CCDC178: variants seen among roughly 807,000 people sequenced by gnomAD.
CCDC178 encodes the protein coiled-coil domain containing 178.
A neutral mutation model predicts 117.4 loss-of-function variants in CCDC178; 126 were observed. The ratio of observed to expected loss-of-function variants is 1.07; its 90% CI spans 0.93 to 1.24. The LOEUF (loss-of-function observed/expected upper bound fraction) is 1.24, where lower values mean the gene tolerates loss of function less well. Among genes scored for constraint, CCDC178 ranks in the 50% most tolerant of loss-of-function variants. CCDC178 has a pLI of 0.00. For synonymous variants in CCDC178, 283 were observed against 313.4 expected, an observed-to-expected ratio of 0.90 and a Z score of 1.02; for missense variants, 1,030 against 986.9, an observed-to-expected ratio of 1.04 and a Z score of -0.59.
At chr18:33,004,092 G>C (rs1479033759) in intron 21 of CCDC178, among the ~76,000 whole-genome samples, 1 of 151,884 alleles carries the variant, frequency 6.6e-6, no homozygotes, top group African/African-American at 2.4e-5. Context: ...TAAAATGTTT[G>C]TACTACCCAT....
At chr18:33,423,585 G>C (rs982144842) in intron 2 of CCDC178, among the ~76,000 whole-genome samples, 2 of 152,036 alleles carry the variant, frequency 1.3e-5, no homozygotes, top group African/African-American at 2.4e-5. Flanking sequence ...TTTGTGTATA[G>C]CACTAGAGTA....
intron 21 of CCDC178, among the ~76,000 whole-genome samples, chr18:33,089,600 T>C (rs1359182934): frequency 6.6e-6 from 1 of 152,188 alleles, no homozygotes; most frequent in Non-Finnish European, 1.5e-5. Flanking sequence ...TGGCTAATTA[T>C]ATAATTTAAA....
intron 17 of CCDC178, among the ~76,000 whole-genome samples, chr18:33,224,377 T>A (rs1421744420): frequency 1.3e-5 from 2 of 152,236 alleles, no homozygotes; most frequent in Non-Finnish European, 2.9e-5. Context: ...TCATCCTAGC[T>A]GTCTAAACAT....
intron 11 of CCDC178, among the ~76,000 whole-genome samples, chr18:33,313,234 A>T (rs1394780332): frequency 1.3e-5 from 2 of 152,152 alleles, no homozygotes; most frequent in African/African-American, 2.4e-5. Flanking sequence ...ATAAACAGGT[A>T]AAAAAATGGT....
intron 22 of CCDC178, among the ~76,000 whole-genome samples, chr18:32,957,440 G>T (rs1436627412): frequency 6.6e-6 from 1 of 152,114 alleles, no homozygotes; most frequent in Non-Finnish European, 1.5e-5. Context: ...AAACTATCTT[G>T]CTCAAAACAG....
intron 20 of CCDC178, among the ~76,000 whole-genome samples, chr18:33,208,560 T>A (rs190782550): frequency 6.6e-6 from 1 of 152,160 alleles, no homozygotes. Flanking sequence ...TCATTCAACA[T>A]TGAGTGCCTT....
chr18:33,315,230 C>G (rs1343964342), intron 11 of CCDC178, among the ~76,000 whole-genome samples: 1 of 152,128 alleles, frequency 6.6e-6, no homozygotes, highest in East Asian at 1.9e-4. Context: ...GCTTGATAAT[C>G]GTCTGACTTT....
intron 20 of CCDC178, among the ~76,000 whole-genome samples, chr18:33,204,500 A>G (rs1172371713): frequency 2.0e-5 from 3 of 152,142 alleles, no homozygotes; most frequent in Admixed American, 2.0e-4. Context: ...TTAAGTGCTC[A>G]TGTTTACATG....
intron 20 of CCDC178, among the ~76,000 whole-genome samples, chr18:33,193,266 A>G (rs1193105545): frequency 1.2e-3 from 5 of 4,132 alleles, no homozygotes; most frequent in Non-Finnish European, 1.5e-3. Flanking sequence ...CCGTCTCACA[A>G]AAAAAAAAAA....
intron 22 of CCDC178, among the ~76,000 whole-genome samples, chr18:32,964,141 ACT>A (rs1386238740): frequency 2.6e-5 from 4 of 151,942 alleles, no homozygotes; most frequent in Admixed American, 2.0e-4. Flanking sequence ...GAATTTTCTG[ACT>A]CTAACTTTTG....
At chr18:33,035,467 C>T (rs1027472680) in intron 21 of CCDC178, among the ~76,000 whole-genome samples, 1 of 151,852 alleles carries the variant, frequency 6.6e-6, no homozygotes, top group Admixed American at 6.6e-5. Flanking sequence ...TTTGTGACAA[C>T]GTGGATGAAT....
chr18:33,170,524 T>C (rs1364778009), intron 20 of CCDC178, among the ~76,000 whole-genome samples: 2 of 152,152 alleles, frequency 1.3e-5, no homozygotes, highest in Non-Finnish European at 2.9e-5. Flanking sequence ...TTGGGTGTTA[T>C]ATATACAGCA....
intron 21 of CCDC178, among the ~76,000 whole-genome samples, chr18:32,984,147 C>T (rs1007768018): frequency 6.6e-6 from 1 of 151,796 alleles, no homozygotes; most frequent in East Asian, 1.9e-4. Flanking sequence ...GACCCACGTG[C>T]ACTCCCAATT....
chr18:33,311,685 A>C (rs2062343665), intron 11 of CCDC178, among the ~76,000 whole-genome samples: 1 of 152,200 alleles, frequency 6.6e-6, no homozygotes, highest in South Asian at 2.1e-4. Context: ...TTGTGCCACC[A>C]AGGTGCTTCA....
chr18:33,411,927 T>C (rs1282401953), intron 3 of CCDC178, 104 bp downstream of exon 3: 2 of 563,256 alleles, frequency 3.6e-6, no homozygotes, highest in African/African-American at 2.0e-5. Flanking sequence ...GACCATTATC[T>C]TGGAAAAGAT....
chr18:33,235,366 G>A (rs2059415718), intron 15 of CCDC178, among the ~76,000 whole-genome samples: 1 of 151,964 alleles, frequency 6.6e-6, no homozygotes, highest in Admixed American at 6.6e-5. Flanking sequence ...AATGTCTTAC[G>A]ACTCTACCAA....
At chr18:33,364,987 G>T (rs568762591) in intron 6 of CCDC178, among the ~76,000 whole-genome samples, 14 of 152,036 alleles carry the variant, frequency 9.2e-5, no homozygotes, top group African/African-American at 2.9e-4. Flanking sequence ...GACCATCAGA[G>T]ATATTTGGGG....
Position 32,957,429 on chromosome 18 carries a change from G to T in CCDC178, c.2523+17118C>A, listed in dbSNP as rs546617711. On this transcript the variant is annotated intron_variant, in intron 22 of 22. Transcript: ENST00000383096. The stretch of plus-strand genomic sequence containing the variant: ...GAAGGTGGGATCAGTTCTGGAAAAT[G>T]AAACTATCTTGCTCAAAACAGTGGG... 1.3e-4 allele frequency among the ~76,000 whole-genome samples: 20 copies of T among 152,210 alleles called. No individual in the cohort carries two copies. The South Asian group carries it at 3.7e-3, about 28-fold the overall frequency.
Position 33,147,801 on chromosome 18 carries a change from C to T in CCDC178, c.2239-54891G>A, listed in dbSNP as rs577045580. 3.9e-5 allele frequency among the ~76,000 whole-genome samples: 6 copies of T among 152,318 alleles called. No individual in the cohort carries two copies. In the East Asian group the frequency reaches 1.2e-3, roughly 29 times the overall value. ...TAGACACAGCAACAATCTGATTTCTCTATCTTTTCCCCACATTTCCCTTTT... is the reference window on the plus strand; with the variant it reads ...TAGACACAGCAACAATCTGATTTCTTTATCTTTTCCCCACATTTCCCTTTT... On this transcript the variant is annotated intron_variant, in intron 20 of 22. Coordinates refer to ENST00000383096, the MANE Select transcript of CCDC178 (RefSeq NM_001105528.4).
Sources: gnomAD v4.1 joint callset for allele counts (sites outside exome capture counted in the v4.1 genomes callset) on GRCh38, gnomAD v4.1.1 for gene constraint, MANE v1.5 for transcripts, NCBI Gene and HGNC (gene_info 2026-07-23, HGNC 2026-07-21) for gene names.